EXOC1L: variants seen among roughly 807,000 people sequenced by gnomAD.
EXOC1L encodes the protein exocyst complex component 1-like.
In EXOC1L, 10 loss-of-function variants were observed where a neutral mutation model predicts 4.9. The observed-to-expected ratio is 2.02, with a 90% confidence interval of 1.25 to 3.43. The LOEUF (loss-of-function observed/expected upper bound fraction) is 3.43, where lower values mean the gene tolerates loss of function less well. EXOC1L is among the 30% of genes most tolerant of loss of function. The pLI is 0.00. For synonymous variants in EXOC1L, 41 were observed against 20.8 expected (o/e 1.97, Z -2.63); for missense variants, 114 against 59.4 (o/e 1.92, Z -3.02).
At chr4:55,834,514 C>A (rs931146942) in intron 2 of EXOC1L, among the ~76,000 whole-genome samples, 2 of 152,040 alleles carry the variant, frequency 1.3e-5, no homozygotes, top group South Asian at 2.1e-4. Flanking sequence ...CATACTCAGG[C>A]TCCAATTATT....
At chr4:55,828,270 T>G (rs1719934686) in intron 1 of EXOC1L, among the ~76,000 whole-genome samples, 1 of 152,212 alleles carries the variant, frequency 6.6e-6, no homozygotes. Context: ...AGTTGTCTTC[T>G]GCCCTCAGCA....
chr4:55,827,470 C>A lies in EXOC1L; in HGVS notation c.122-3864C>A, dbSNP rs563901443. On this transcript the variant is annotated intron_variant, in intron 1 of 2. Coordinates refer to ENST00000636125, the MANE Select transcript of EXOC1L (RefSeq NM_001351574.3). ...AGCACAGGTTTTCTTTCTGAAGACC[C>A]CACTCCCTACAATCTCAGTGACAGC... 7.2e-5 allele frequency among the ~76,000 whole-genome samples: 11 copies of A among 152,226 alleles called. No individual in the cohort carries two copies. In the South Asian group the frequency reaches 2.3e-3, roughly 32 times the overall value.
At chr4:55,832,771 T>C (rs1720067367) in intron 2 of EXOC1L, among the ~76,000 whole-genome samples, 1 of 151,976 alleles carries the variant, frequency 6.6e-6, no homozygotes. Context: ...CCCAGAAATC[T>C]ATTAATTTGC....
intron 1 of EXOC1L, among the ~76,000 whole-genome samples, chr4:55,824,273 TCACA>T (rs747727307): frequency 2.4e-4 from 35 of 147,252 alleles, no homozygotes; most frequent in African/African-American, 6.2e-4. Flanking sequence ...TCTCTCTCTC[TCACA>T]CACACACACA....
chr4:55,820,211 G>A (rs981582892), intron 1 of EXOC1L, 64 bp downstream of exon 1: 14 of 396,718 alleles, frequency 3.5e-5, no homozygotes, highest in Non-Finnish European at 6.2e-5. Flanking sequence ...GGATGATAGA[G>A]GGAATTTTTT....
intron 1 of EXOC1L, among the ~76,000 whole-genome samples, chr4:55,830,963 A>G (rs1467952105): frequency 2.0e-5 from 3 of 152,142 alleles, no homozygotes; most frequent in Non-Finnish European, 2.9e-5. Context: ...TAAAATTCCA[A>G]CGTGTTCTGA....
At chr4:55,821,301 A>T (rs1188506266) in intron 1 of EXOC1L, among the ~76,000 whole-genome samples, 1 of 152,168 alleles carries the variant, frequency 6.6e-6, no homozygotes, top group Non-Finnish European at 1.5e-5. Flanking sequence ...CGACATAAAA[A>T]AATTAATTGG....
At chr4:55,836,042 G>A (rs1257305009) in intron 2 of EXOC1L, among the ~76,000 whole-genome samples, 4 of 151,818 alleles carry the variant, frequency 2.6e-5, no homozygotes, top group African/African-American at 7.2e-5. Context: ...TCAAAATGTT[G>A]TCTAACTTTA....
intron 2 of EXOC1L, among the ~76,000 whole-genome samples, chr4:55,835,754 A>T (rs1270980444): frequency 1.3e-5 from 2 of 151,876 alleles, no homozygotes; most frequent in Non-Finnish European, 2.9e-5. Context: ...TCTGGATATT[A>T]GTCCTTTCTT....
chr4:55,820,426 C>T (rs60507837), intron 1 of EXOC1L, among the ~76,000 whole-genome samples: 2 of 152,160 alleles, frequency 1.3e-5, no homozygotes, highest in South Asian at 2.1e-4. Context: ...TGTCTCCAAT[C>T]GTTTGTTTAA....
chr4:55,824,914 A>C (rs1719843537), intron 1 of EXOC1L, among the ~76,000 whole-genome samples: 1 of 152,196 alleles, frequency 6.6e-6, no homozygotes, highest in Non-Finnish European at 1.5e-5. Flanking sequence ...CCCAGTGGCT[A>C]ATCTATTACC....
At chr4:55,826,489 T>C (rs1719889745) in intron 1 of EXOC1L, among the ~76,000 whole-genome samples, 1 of 152,212 alleles carries the variant, frequency 6.6e-6, no homozygotes, top group Non-Finnish European at 1.5e-5. Flanking sequence ...AAATAAATGA[T>C]TGGCATGAAG....
At chr4:55,836,789 C>G (rs529424962) in intron 2 of EXOC1L, among the ~76,000 whole-genome samples, 15 of 152,044 alleles carry the variant, frequency 9.9e-5, no homozygotes, top group South Asian at 6.2e-4. Context: ...ATTCCCTACT[C>G]ATCCTCTCCA....
chr4:55,833,111 C>T (rs1238173541), intron 2 of EXOC1L, among the ~76,000 whole-genome samples: 1 of 151,640 alleles, frequency 6.6e-6, no homozygotes, highest in East Asian at 1.9e-4. Context: ...CATGTAACAC[C>T]TTTTTGACAA....
intron 2 of EXOC1L, among the ~76,000 whole-genome samples, chr4:55,835,304 C>G (rs899300468): frequency 6.6e-6 from 1 of 151,732 alleles, no homozygotes; most frequent in African/African-American, 2.4e-5. Flanking sequence ...GCAAATTGTG[C>G]TACTATAAAC....
intron 2 of EXOC1L, among the ~76,000 whole-genome samples, chr4:55,834,036 T>C (rs995150142): frequency 6.6e-6 from 1 of 151,922 alleles, no homozygotes; most frequent in Non-Finnish European, 1.5e-5. Flanking sequence ...AATCAAATCC[T>C]TGGGGGTCAG....
intron 1 of EXOC1L, 121 bp from the exon 2 acceptor site, chr4:55,831,213 C>A: frequency 2.1e-6 from 1 of 484,838 alleles, no homozygotes; most frequent in African/African-American, 2.0e-5. Context: ...TGAGGCGCAG[C>A]TATAATGTGG....
At chr4:55,832,541 A>C (rs1184622339) in intron 2 of EXOC1L, among the ~76,000 whole-genome samples, 1 of 151,986 alleles carries the variant, frequency 6.6e-6, no homozygotes, top group Non-Finnish European at 1.5e-5. Context: ...TACCATTACT[A>C]CTGCTAGTAG....
Position 55,820,095 on chromosome 4 carries a change from G to C in EXOC1L, c.69G>C (p.Glu23Asp). 2.5e-6 allele frequency: 1 copy of C among 399,064 alleles called. No homozygotes were observed. Among genetic ancestry groups the C allele is most frequent in the Non-Finnish European group, 4.4e-6 (1 of 226,070 alleles). The allele number at this position is 399,064 out of a possible 1,614,324, so 24.7% of individuals were successfully genotyped here. ...LFKPLSQNLY[E>D]FIEIEFSVQD... ...AGCCACTCTCGCAGAATCTGTACGA[G>C]TTTATTGAAATAGAGTTCTCCGTCC... The change falls in exon 1 of 3, where the codon GAG (glutamate) becomes GAC (aspartate). Residue 23 changes from glutamate to aspartate, a missense_variant. Glu to Asp is a conservative substitution (Grantham distance 45). Transcript: ENST00000636125.
Sources: gnomAD v4.1 joint callset for allele counts (sites outside exome capture counted in the v4.1 genomes callset) on GRCh38, gnomAD v4.1.1 for gene constraint, MANE v1.5 for transcripts, NCBI Gene and HGNC (gene_info 2026-07-23, HGNC 2026-07-21) for gene names.